The following TAPT1 variants were observed in gnomAD, a reference collection of about 807,000 sequenced individuals.
The protein encoded by TAPT1 is transmembrane anterior posterior transformation 1.
Under a neutral mutation model 65.6 loss-of-function variants are expected in TAPT1, and 28 were observed. The ratio of observed to expected loss-of-function variants is 0.43; its 90% confidence interval spans 0.32 to 0.59. The LOEUF (loss-of-function observed/expected upper bound fraction) is 0.59. TAPT1 is among the 20% of genes least tolerant of loss of function. TAPT1 has a pLI of 0.09. For missense variants in TAPT1, 563 were observed against 679.9 expected (o/e 0.83, Z 1.91); for synonymous variants, 278 against 245.2 (o/e 1.13, Z -1.25).
At chr4:16,227,122 CT>C (rs1751636475), upstream of TAPT1, 3 of 455,534 alleles carry the variant, frequency 6.6e-6, no homozygotes, top group African/African-American at 2.0e-5. Context: ...TCTGAGTGTC[CT>C]TTGGCAGTTT....
chr4:16,203,637 G>A (rs927373327), intron 2 of TAPT1, among the ~76,000 whole-genome samples: 4 of 152,070 alleles, frequency 2.6e-5, no homozygotes, highest in African/African-American at 9.7e-5. Flanking sequence ...TATGAAGACC[G>A]AAGAGGAAGG....
At chr4:16,182,707 A>C (rs1047903129) in intron 7 of TAPT1, 3 of 152,198 alleles carry the variant, frequency 2.0e-5, no homozygotes, top group African/African-American at 7.2e-5. Context: ...AAACTACCTA[A>C]AATTCTTCAT....
chr4:16,221,313 A>C (rs571991785), intron 1 of TAPT1, among the ~76,000 whole-genome samples: 1 of 151,998 alleles, frequency 6.6e-6, no homozygotes, highest in African/African-American at 2.4e-5. Context: ...TTTAGTAGAG[A>C]CAGGGTTTCA....
intron 7 of TAPT1, among the ~76,000 whole-genome samples, chr4:16,181,029 C>T (rs985527539): frequency 6.6e-6 from 1 of 152,212 alleles, no homozygotes; most frequent in East Asian, 1.9e-4. Context: ...TTGTCTAGAT[C>T]ACATGTTTAA....
At chr4:16,208,711 G>GA (rs147111069) in intron 2 of TAPT1, among the ~76,000 whole-genome samples, 4 of 152,006 alleles carry the variant, frequency 2.6e-5, no homozygotes, top group Admixed American at 6.6e-5. Context: ...TAGATTTGTT[G>GA]AAAAAAATAA....
At chr4:16,200,021 G>A (rs910742309) in intron 3 of TAPT1, among the ~76,000 whole-genome samples, 2 of 152,132 alleles carry the variant, frequency 1.3e-5, no homozygotes, top group African/African-American at 4.8e-5. Flanking sequence ...TCAAACAACT[G>A]TCCCCGAAGA....
chr4:16,216,692 T>C (rs986800246), intron 1 of TAPT1, among the ~76,000 whole-genome samples: 2 of 152,156 alleles, frequency 1.3e-5, no homozygotes, highest in African/African-American at 4.8e-5. Context: ...ACATTAACTT[T>C]TTTCCCCTTT....
chr4:16,223,638 G>A (rs1257879025), intron 1 of TAPT1, among the ~76,000 whole-genome samples: 1 of 152,214 alleles, frequency 6.6e-6, no homozygotes, highest in Non-Finnish European at 1.5e-5. Context: ...TTCTGAGAAC[G>A]AAGTGATGAG....
Position 16,162,924 on chromosome 4 carries a change from T to C in TAPT1, c.*384A>G. On this transcript the variant is annotated 3_prime_UTR_variant, in exon 14 of 14. Transcript: ENST00000405303. ...TGGAAAGATTACGTCGTGGTAAAAG[T>C]TTCACAGTTTTCCAGGTATTTCCTT... 1 of 437,260 alleles carries C rather than the reference T, an allele frequency of 2.3e-6. No individual in the cohort carries two copies. Among genetic ancestry groups the C allele is most frequent in the South Asian group, 1.6e-5 (1 of 62,904 alleles). The allele number at this position is 437,260 out of a possible 1,614,324, so 27.1% of individuals were successfully genotyped here. A position where few individuals can be genotyped will look rare whatever the true frequency, so the allele number is the denominator to read the frequency against.
chr4:16,170,088 C>T (rs1747896944), intron 12 of TAPT1, among the ~76,000 whole-genome samples: 4 of 152,160 alleles, frequency 2.6e-5, no homozygotes, highest in Admixed American at 2.6e-4. Flanking sequence ...GTAACAATGG[C>T]AAAATCATCA....
chr4:16,226,340 GC>G lies in TAPT1; in HGVS notation c.117del (p.Pro41ArgfsTer31). 2.7e-6 allele frequency: 3 copies of G among 1,117,052 alleles called. No homozygotes were observed. The highest frequency in any genetic ancestry group is 5.0e-5 in the Admixed American group (1 of 19,976). The allele number at this position is 1,117,052 out of a possible 1,614,324, so 69.2% of individuals were successfully genotyped here. On this transcript the variant is annotated frameshift_variant, in exon 1 of 14. Transcript: ENST00000405303. LOFTEE classifies it high-confidence loss of function. ...AEQPGGSGGQ[G>X]PPPAPQLTET... The stretch of plus-strand genomic sequence containing the variant: ...TCTGTGAGCTGAGGCGCCGGCGGGG[GC>G]CCCTGTCCGCCGCTGCCGCCCGGCT...
At chr4:16,195,077 G>A (rs1264805278) in intron 3 of TAPT1, among the ~76,000 whole-genome samples, 1 of 152,058 alleles carries the variant, frequency 6.6e-6, no homozygotes, top group Non-Finnish European at 1.5e-5. Flanking sequence ...AAAAAGAAAG[G>A]CTGCCAAAAT....
intron 1 of TAPT1, among the ~76,000 whole-genome samples, chr4:16,224,380 C>A: frequency 6.6e-6 from 1 of 152,178 alleles, no homozygotes. Flanking sequence ...GAGCTACAGA[C>A]TGGGTGCTAG....
intron 1 of TAPT1, among the ~76,000 whole-genome samples, chr4:16,217,738 T>G (rs935277860): frequency 1.3e-5 from 2 of 152,146 alleles, no homozygotes; most frequent in African/African-American, 4.8e-5. Flanking sequence ...TTCCAGATAC[T>G]TGAGAAAAGA....
At chr4:16,206,021 C>T (rs990410261) in intron 2 of TAPT1, among the ~76,000 whole-genome samples, 9 of 152,116 alleles carry the variant, frequency 5.9e-5, no homozygotes, top group African/African-American at 2.2e-4. Flanking sequence ...CAACAATCAG[C>T]AGAATGTTAA....
intron 2 of TAPT1, among the ~76,000 whole-genome samples, chr4:16,211,852 A>G (rs1750669161): frequency 6.6e-6 from 1 of 152,242 alleles, no homozygotes; most frequent in Non-Finnish European, 1.5e-5. Flanking sequence ...ACCACAATTT[A>G]GAATCACTGG....
intron 3 of TAPT1, among the ~76,000 whole-genome samples, chr4:16,201,815 C>G (rs374088354): frequency 1.3e-5 from 2 of 152,258 alleles, no homozygotes; most frequent in East Asian, 1.9e-4. Flanking sequence ...CTCAATACCC[C>G]CTTTTTGCTG....
chr4:16,182,598 AG>A (rs1472306911), intron 7 of TAPT1, among the ~76,000 whole-genome samples: 2 of 152,244 alleles, frequency 1.3e-5, no homozygotes, highest in African/African-American at 4.8e-5. Context: ...GCAGATATGC[AG>A]GCTTCTAAGA....
At chr4:16,196,292 T>C (rs571676278) in intron 3 of TAPT1, among the ~76,000 whole-genome samples, 54 of 152,322 alleles carry the variant, frequency 3.5e-4, no homozygotes, top group African/African-American at 1.1e-3. Flanking sequence ...AAATAACTTA[T>C]TTATAAAGCT....
Sources: gnomAD v4.1 joint callset for allele counts (sites outside exome capture counted in the v4.1 genomes callset) on GRCh38, gnomAD v4.1.1 for gene constraint, MANE v1.5 for transcripts, NCBI Gene and HGNC (gene_info 2026-07-23, HGNC 2026-07-21) for gene names.